UPP2: variants seen among roughly 807,000 people sequenced by gnomAD.
The protein encoded by UPP2 is UPase 2.
In UPP2, 23 loss-of-function variants were observed where a neutral mutation model predicts 26.7. The observed-to-expected ratio is 0.86, with a 90% confidence interval of 0.62 to 1.22. The LOEUF is 1.22. Among genes scored for constraint, UPP2 ranks in the 50% most tolerant of loss-of-function variants. The pLI, the probability that UPP2 is intolerant of heterozygous loss-of-function variation, is 0.00. For synonymous variants in UPP2, 127 were observed against 141.3 expected (o/e 0.90, Z 0.72); for missense variants, 387 against 396.7 (o/e 0.98, Z 0.21).
At chr2:158,045,569 G>A (rs6724825) in intron 3 of UPP2, among the ~76,000 whole-genome samples, 48,112 of 151,930 alleles carry the variant, frequency 0.32, 7,931 homozygotes, top group East Asian at 0.48. Context: ...CCTCTGGGAC[G>A]ACTTCATCAA....
upstream of UPP2, among the ~76,000 whole-genome samples, chr2:158,101,546 G>A (rs1683075225): frequency 6.6e-6 from 1 of 152,194 alleles, no homozygotes; most frequent in South Asian, 2.1e-4. Context: ...GATGGAGATG[G>A]GGAACTGAAA....
intron 3 of UPP2, among the ~76,000 whole-genome samples, chr2:158,058,206 T>C (rs1189893952): frequency 6.7e-6 from 1 of 149,476 alleles, no homozygotes. Flanking sequence ...GGCAGGAGAA[T>C]GGCATGAACC....
At chr2:158,078,469 G>C (rs1007896468) in intron 3 of UPP2, among the ~76,000 whole-genome samples, 1 of 152,144 alleles carries the variant, frequency 6.6e-6, no homozygotes, top group Non-Finnish European at 1.5e-5. Context: ...ATAAGAGCTT[G>C]TCATTTGCAA....
chr2:158,003,864 A>T (rs1683447049), intron 2 of UPP2, among the ~76,000 whole-genome samples: 1 of 152,146 alleles, frequency 6.6e-6, no homozygotes, highest in Non-Finnish European at 1.5e-5. Flanking sequence ...GTGTGTGTGT[A>T]TGTGTATTTT....
At chr2:158,072,065 T>C (rs562562980) in intron 3 of UPP2, among the ~76,000 whole-genome samples, 111 of 152,264 alleles carry the variant, frequency 7.3e-4, no homozygotes, top group African/African-American at 2.6e-3. Flanking sequence ...GGACAGCTTT[T>C]CTGGACCTGC....
intron 3 of UPP2, among the ~76,000 whole-genome samples, chr2:158,047,641 A>C (rs1193834535): frequency 6.6e-6 from 1 of 152,244 alleles, no homozygotes; most frequent in Non-Finnish European, 1.5e-5. Context: ...AATGCACTTC[A>C]TTATCAGTAT....
intron 3 of UPP2, among the ~76,000 whole-genome samples, chr2:158,076,873 T>A (rs1682638372): frequency 6.6e-6 from 1 of 152,030 alleles, no homozygotes; most frequent in African/African-American, 2.4e-5. Flanking sequence ...AAGAAAGAAG[T>A]AAAATTATTC....
intron 4 of UPP2, among the ~76,000 whole-genome samples, chr2:158,119,338 C>A (rs1683510514): frequency 6.6e-6 from 1 of 152,032 alleles, no homozygotes; most frequent in Admixed American, 6.5e-5. Context: ...TGGATGGTGG[C>A]AAATTAACCC....
At chr2:158,133,139 T>A (rs989578098) in intron 6 of UPP2, among the ~76,000 whole-genome samples, 5 of 152,210 alleles carry the variant, frequency 3.3e-5, no homozygotes, top group Non-Finnish European at 5.9e-5. Context: ...AACAGATGAA[T>A]AGACTTTTAA....
At chr2:158,005,474 T>C (rs1683473804) in intron 2 of UPP2, among the ~76,000 whole-genome samples, 1 of 152,194 alleles carries the variant, frequency 6.6e-6, no homozygotes, top group Admixed American at 6.5e-5. Flanking sequence ...AAGAGGATCC[T>C]GTTGTCACCC....
chr2:157,995,362 T>G, intron 2 of UPP2: 4 of 1,276,792 alleles, frequency 3.1e-6, no homozygotes, highest in Admixed American at 3.9e-5. Context: ...GGTTGATGTT[T>G]TCCACATTTC....
At chr2:158,044,589 A>G (rs538880245) in intron 3 of UPP2, among the ~76,000 whole-genome samples, 114 of 152,182 alleles carry the variant, frequency 7.5e-4, no homozygotes, top group African/African-American at 2.2e-3. Context: ...ATTTAGTGAC[A>G]CTCGTGTGCA....
chr2:158,089,137 C>T (rs2105200795), intron 3 of UPP2, among the ~76,000 whole-genome samples: 1 of 152,120 alleles, frequency 6.6e-6, no homozygotes, highest in South Asian at 2.1e-4. Flanking sequence ...AGCTCTGAGT[C>T]TCCTTGTGGG....
chr2:158,073,733 A>G (rs371003230), intron 3 of UPP2, among the ~76,000 whole-genome samples: 156 of 152,332 alleles, frequency 1.0e-3, no homozygotes, highest in African/African-American at 2.7e-3. Context: ...AACATATCCA[A>G]TGAAAATATC....
At chr2:157,999,618 G>A (rs1259322665) in intron 2 of UPP2, among the ~76,000 whole-genome samples, 1 of 152,072 alleles carries the variant, frequency 6.6e-6, no homozygotes, top group African/African-American at 2.4e-5. Flanking sequence ...ACATAATAAC[G>A]TTTTGGCCAA....
chr2:158,115,407 A>G lies in UPP2; in HGVS notation c.339+148A>G, dbSNP rs1683408436. On this transcript the variant is annotated intron_variant, in intron 3 of 6. Coordinates refer to ENST00000005756, the MANE Select transcript of UPP2 (RefSeq NM_173355.4). Reference sequence around the variant, plus strand: ...CAGGTATGAGTTCATTATTGGAAAAAGCCCCCAGGGCAGAACACAGCATGC... The same window carrying G: ...CAGGTATGAGTTCATTATTGGAAAAGGCCCCCAGGGCAGAACACAGCATGC... 6 of 969,354 alleles carry G rather than the reference A, an allele frequency of 6.2e-6. No homozygotes were observed. In the South Asian group the frequency reaches 1.6e-4, roughly 26 times the overall value. The allele number at this position is 969,354 out of a possible 1,614,324, so 60.0% of individuals were successfully genotyped here. A position where few individuals can be genotyped will look rare whatever the true frequency, so the allele number is the denominator to read the frequency against.
chr2:158,127,164 C>T (rs1358608219), intron 6 of UPP2, among the ~76,000 whole-genome samples: 1 of 152,164 alleles, frequency 6.6e-6, no homozygotes, highest in African/African-American at 2.4e-5. Context: ...ACATCTCACC[C>T]TAAATCTCAC....
chr2:158,066,990 A>G (rs1382992049), intron 3 of UPP2, among the ~76,000 whole-genome samples: 1 of 152,188 alleles, frequency 6.6e-6, no homozygotes. Flanking sequence ...AATTTCTAAA[A>G]TTATTGTAAT....
intron 3 of UPP2, among the ~76,000 whole-genome samples, chr2:158,048,756 C>G (rs1413259423): frequency 6.6e-6 from 1 of 152,144 alleles, no homozygotes; most frequent in Non-Finnish European, 1.5e-5. Context: ...ATACAAGGTG[C>G]CTGATTCCAT....
Sources: allele counts gnomAD v4.1 joint callset (sites outside exome capture counted in the v4.1 genomes callset), GRCh38; gene constraint gnomAD v4.1.1; transcripts MANE v1.5; gene names NCBI Gene and HGNC (gene_info 2026-07-23, HGNC 2026-07-21).